The following DEFB134 variants were observed in gnomAD, a reference collection of about 807,000 sequenced individuals.
DEFB134 encodes beta-defensin 134.
In DEFB134, 7 loss-of-function variants were observed where a neutral mutation model predicts 7.4. The observed-to-expected ratio is 0.95, with a 90% CI of 0.54 to 1.79. The LOEUF is 1.79. Ranked by LOEUF, DEFB134 falls within the 40% of genes most tolerant of loss-of-function variation. The probability of loss-of-function intolerance (pLI) is 0.00; values close to 1 mark genes in which losing one functional copy is unlikely to be tolerated. For synonymous variants in DEFB134, 33 were observed against 25.0 expected (o/e 1.32, Z -0.96); for missense variants, 105 against 74.8 (o/e 1.40, Z -1.49).
intron 1 of DEFB134, among the ~76,000 whole-genome samples, chr8:11,995,582 A>G (rs1295766411): frequency 1.3e-5 from 2 of 152,212 alleles, no homozygotes; most frequent in Non-Finnish European, 2.9e-5. Flanking sequence ...CTTCTATCAC[A>G]TAAAGCTCAG....
At position 11,995,452 on chromosome 8, in the gene DEFB134, G is replaced by C. The variant is rs1003843864; in HGVS notation, c.58+742C>G. ...CTGGACTGATTCAGTAACACTGAGT[G>C]AAAAGAATTTTCCAGATGAGATTGC... On this transcript the variant is annotated intron_variant, in intron 1 of 1. Coordinates refer to ENST00000526438, the Ensembl canonical transcript of DEFB134. Among the ~76,000 whole-genome samples the C allele has an allele frequency of 2.0e-5, 3 of 152,308 alleles. No individual in the cohort carries two copies. In the East Asian group the frequency reaches 5.8e-4, roughly 29 times the overall value.
upstream of DEFB134, among the ~76,000 whole-genome samples, chr8:12,000,733 TG>T (rs908161012): frequency 6.6e-6 from 1 of 152,202 alleles, no homozygotes; most frequent in Non-Finnish European, 1.5e-5. Context: ...CTTCTTCTTG[TG>T]CTGATGTAAG....
rs538436348 is a variant in DEFB134, at chr8:11,993,775, T to C, written c.*205A>G. 7.4e-6 allele frequency: 4 copies of C among 540,410 alleles called. No homozygotes were observed. The East Asian group carries it at 1.3e-4, about 18-fold the overall frequency. 33.5% of individuals were successfully genotyped at this position (540,410 alleles called of 1,614,324 possible). On this transcript the variant is annotated 3_prime_UTR_variant, in exon 2 of 2. Coordinates refer to ENST00000526438, the Ensembl canonical transcript of DEFB134. ...GAGAAAATATCTTCTACATTGTTTT[T>C]GTGAAAAACCGAGCTCTTTTAAAGA...
At chr8:11,993,988 C>A in exon 2 of DEFB134, 1 of 1,612,864 alleles carries the variant, frequency 6.2e-7, no homozygotes. Flanking sequence ...TGTCAGGGTG[C>A]AGGATTTCCT....
chr8:11,997,311 G>C (rs1005903559), upstream of DEFB134, among the ~76,000 whole-genome samples: 6 of 152,146 alleles, frequency 3.9e-5, no homozygotes, highest in African/African-American at 1.4e-4. Context: ...TGTTTATCCA[G>C]TCACGTATTG....
At chr8:11,994,385 G>A (rs1353280823) in intron 1 of DEFB134, among the ~76,000 whole-genome samples, 2 of 152,152 alleles carry the variant, frequency 1.3e-5, no homozygotes, top group Admixed American at 6.5e-5. Flanking sequence ...CATGATGGTG[G>A]AACCCTAATC....
chr8:11,997,250 T>G (rs1258373680), upstream of DEFB134, among the ~76,000 whole-genome samples: 1 of 152,226 alleles, frequency 6.6e-6, no homozygotes, highest in African/African-American at 2.4e-5. Flanking sequence ...TATGAATTAG[T>G]TGTTCATTCC....
chr8:11,999,196 C>A (rs922084514), upstream of DEFB134: 1 of 196,980 alleles, frequency 5.1e-6, no homozygotes, highest in Admixed American at 5.2e-5. Flanking sequence ...TAGCAACCAG[C>A]CAGTGAGGGC....
exon 2 of DEFB134, chr8:11,993,692 C>T (rs983756120): frequency 1.0e-5 from 3 of 286,644 alleles, no homozygotes; most frequent in Non-Finnish European, 1.9e-5. Flanking sequence ...TAAGAATATC[C>T]TCTATGATTA....
chr8:11,998,052 A>G (rs1213469803), upstream of DEFB134, among the ~76,000 whole-genome samples: 1 of 152,222 alleles, frequency 6.6e-6, no homozygotes, highest in African/African-American at 2.4e-5. Context: ...AGAAATCAAT[A>G]CCAAGAAGAT....
At chr8:11,997,150 T>G (rs1363329381), upstream of DEFB134, among the ~76,000 whole-genome samples, 1 of 152,236 alleles carries the variant, frequency 6.6e-6, no homozygotes, top group East Asian at 1.9e-4. Flanking sequence ...TTTCTTGGAA[T>G]TTCATGTGAA....
upstream of DEFB134, among the ~76,000 whole-genome samples, chr8:11,997,067 C>G (rs773837867): frequency 6.6e-6 from 1 of 152,014 alleles, no homozygotes; most frequent in Non-Finnish European, 1.5e-5. Flanking sequence ...TGTAATATTC[C>G]CCTCCTGATT....
upstream of DEFB134, among the ~76,000 whole-genome samples, chr8:11,998,481 C>T (rs567565900): frequency 4.0e-5 from 6 of 151,838 alleles, no homozygotes; most frequent in Middle Eastern, 3.4e-3. Context: ...AAAAAAGAGA[C>T]GTTCATTGAA....
chr8:11,998,756 G>A (rs944816548), upstream of DEFB134, among the ~76,000 whole-genome samples: 1 of 152,008 alleles, frequency 6.6e-6, no homozygotes, highest in Non-Finnish European at 1.5e-5. Flanking sequence ...CCAAAAGTTG[G>A]CTCTTTAAAA....
upstream of DEFB134, among the ~76,000 whole-genome samples, chr8:11,999,710 T>C (rs1585095179): frequency 1.3e-5 from 2 of 152,320 alleles, no homozygotes; most frequent in African/African-American, 4.8e-5. Context: ...TCTCTTGTTA[T>C]CTAGACCTCC....
At chr8:11,997,525 A>C (rs1394114991), upstream of DEFB134, among the ~76,000 whole-genome samples, 1 of 152,240 alleles carries the variant, frequency 6.6e-6, no homozygotes, top group Non-Finnish European at 1.5e-5. Flanking sequence ...GGGATGGAGA[A>C]AGATCTAGCA....
exon 2 of DEFB134, chr8:11,993,703 G>C (rs1159468891): frequency 3.1e-6 from 1 of 318,582 alleles, no homozygotes; most frequent in Non-Finnish European, 5.7e-6. Context: ...TCTATGATTA[G>C]AGGGAGAAAC....
intron 1 of DEFB134, 109 bp downstream of exon 2, chr8:11,996,085 C>G: frequency 7.5e-7 from 1 of 1,337,098 alleles, no homozygotes; most frequent in Non-Finnish European, 1.0e-6. Flanking sequence ...ATGCTTTTTT[C>G]TAGCTTGAAA....
intron 1 of DEFB134, among the ~76,000 whole-genome samples, chr8:11,995,171 G>T (rs1800084649): frequency 6.6e-6 from 1 of 152,166 alleles, no homozygotes; most frequent in East Asian, 1.9e-4. Context: ...ACTTTCAATG[G>T]AAATGACAAG....
Sources: gnomAD v4.1 joint callset for allele counts (sites outside exome capture counted in the v4.1 genomes callset) on GRCh38, gnomAD v4.1.1 for gene constraint, MANE v1.5 for transcripts, NCBI Gene and HGNC (gene_info 2026-07-23, HGNC 2026-07-21) for gene names.